Variants in SLC22A23 observed in about 807,000 individuals in gnomAD.
SLC22A23 encodes ion transporter protein.
SLC22A23 carries 26 observed loss-of-function variants against 61.0 expected under a neutral mutation model. The observed-to-expected ratio is 0.43, with a 90% CI of 0.31 to 0.59. The LOEUF is 0.59. SLC22A23 is among the 20% of genes least tolerant of loss of function. The pLI is 0.11. For missense variants in SLC22A23, 796 were observed against 934.7 expected (o/e 0.85, Z 1.94); for synonymous variants, 430 against 413.9 (o/e 1.04, Z -0.47).
chr6:3,393,976 C>A (rs528888043), intron 3 of SLC22A23, among the ~76,000 whole-genome samples: 4 of 152,230 alleles, frequency 2.6e-5, no homozygotes. Flanking sequence ...TCGCTTCTAC[C>A]GTCACAAGGT....
At chr6:3,326,510 C>T (rs1194512200) in intron 3 of SLC22A23, among the ~76,000 whole-genome samples, 2 of 152,184 alleles carry the variant, frequency 1.3e-5, no homozygotes, top group Non-Finnish European at 1.5e-5. Flanking sequence ...CATGTTTTGC[C>T]TCACAGACAT....
At chr6:3,401,751 T>C (rs1768406989) in intron 3 of SLC22A23, among the ~76,000 whole-genome samples, 1 of 152,168 alleles carries the variant, frequency 6.6e-6, no homozygotes, top group African/African-American at 2.4e-5. Context: ...CTCCACCCAT[T>C]TGTTGCTCAG....
rs940439018 is a variant in SLC22A23, at chr6:3,400,130, G to A, written c.913+10058C>T. Among the ~76,000 whole-genome samples the A allele has an allele frequency of 4.6e-5, 7 of 152,190 alleles. 1 individual carries two copies. In the South Asian group the frequency reaches 1.2e-3, roughly 27 times the overall value. On this transcript the variant is annotated intron_variant, in intron 3 of 9. Transcript: ENST00000406686. ...TGACCTCAAGTGATCCACCCGCCTC[G>A]GCCTCCCAAAGTGCTGGGATTACAG...
At position 3,427,981 on chromosome 6, in the gene SLC22A23, C is replaced by T. The variant is rs1770613021; in HGVS notation, c.655-12126G>A. Among the ~76,000 whole-genome samples, 1 of 152,186 alleles carries T rather than the reference C, an allele frequency of 6.6e-6. No individual in the cohort carries two copies. Among genetic ancestry groups the T allele is most frequent in the East Asian group, 1.9e-4 (1 of 5,176 alleles). On this transcript the variant is annotated intron_variant, in intron 1 of 9. Coordinates refer to ENST00000406686, the MANE Select transcript of SLC22A23 (RefSeq NM_015482.2). The surrounding 1 kb of genome is among the most constrained non-coding windows in gnomAD (Gnocchi z 4.3). ...TCCCGACCTTCCACTTCAGTGCCTC[C>T]GGCATCCTGGGGACAAGCGGACTGA...
At position 3,455,950 on chromosome 6, in the gene SLC22A23, C is replaced by G. The variant is rs1772381413; in HGVS notation, c.610G>C (p.Asp204His). The change falls in exon 1 of 10, where the codon GAC becomes CAC. Residue 204 changes from aspartate to histidine, a missense_variant. Physicochemically the swap from Asp to His is moderately conservative, Grantham distance 81. Transcript: ENST00000406686. ...NASNCDCRAWDYGIRAGLVQN... is the reference protein window; with the variant it reads ...NASNCDCRAWHYGIRAGLVQN... ...ACGAGGCCGGCGCGGATGCCGTAGT[C>G]CCATGCGCGGCAGTCACAGTTGGAG... 6.5e-7 allele frequency: 1 copy of G among 1,537,486 alleles called. No homozygotes were observed. Among genetic ancestry groups the G allele is most frequent in the South Asian group, 1.2e-5 (1 of 83,224 alleles).
intron 3 of SLC22A23, among the ~76,000 whole-genome samples, chr6:3,350,335 C>T (rs981019582): frequency 5.3e-5 from 8 of 152,160 alleles, no homozygotes; most frequent in Non-Finnish European, 1.0e-4. Context: ...TGTTTTTGTA[C>T]AATGCACTGC....
intron 4 of SLC22A23, among the ~76,000 whole-genome samples, chr6:3,307,613 C>T (rs374185741): frequency 3.3e-4 from 50 of 152,314 alleles, no homozygotes; most frequent in African/African-American, 1.1e-3. Context: ...CCAATATGGA[C>T]GTATCTCGGA....
chr6:3,340,588 G>A (rs1764096723), intron 3 of SLC22A23, among the ~76,000 whole-genome samples: 1 of 152,194 alleles, frequency 6.6e-6, no homozygotes, highest in South Asian at 2.1e-4. Context: ...ACAGTATGAG[G>A]AGCTTTGTAA....
At chr6:3,292,856 G>T (rs376173188) in intron 5 of SLC22A23, among the ~76,000 whole-genome samples, 1 of 130,066 alleles carries the variant, frequency 7.7e-6, no homozygotes, top group Non-Finnish European at 1.7e-5. Flanking sequence ...GGGAGCACTC[G>T]GGGAGCACGT....
At chr6:3,313,289 CTT>C (rs1305790164) in intron 4 of SLC22A23, 1 of 152,162 alleles carries the variant, frequency 6.6e-6, no homozygotes, top group African/African-American at 2.4e-5. Flanking sequence ...CCACATCTGC[CTT>C]TTGTCAGTAT....
Position 3,414,710 on chromosome 6 carries a change from T to C in SLC22A23, c.758+1042A>G, listed in dbSNP as rs1769545972. On this transcript the variant is annotated intron_variant, in intron 2 of 9. Coordinates refer to ENST00000406686, the MANE Select transcript of SLC22A23 (RefSeq NM_015482.2). The surrounding 1 kb of genome is among the most constrained non-coding windows in gnomAD (Gnocchi z 5.1). ...CCCTTATTTCCTCAAGGCCAAGATG[T>C]CTCGATTCACCAAAAAAAAAAAAAA... is the stretch of plus-strand genomic sequence containing the variant. Among the ~76,000 whole-genome samples, 1 of 124,906 alleles carries C rather than the reference T, an allele frequency of 8.0e-6. No homozygotes were observed. 81.9% of individuals were successfully genotyped at this position (124,906 alleles called of 152,430 possible).
chr6:3,301,822 G>A (rs1049260712), intron 4 of SLC22A23, among the ~76,000 whole-genome samples: 3 of 152,334 alleles, frequency 2.0e-5, no homozygotes, highest in Admixed American at 6.5e-5. Flanking sequence ...GGAGAACCGC[G>A]GAGATGTGCT....
intron 5 of SLC22A23, among the ~76,000 whole-genome samples, chr6:3,293,919 G>A (rs7770256): frequency 0.081 from 12,369 of 152,224 alleles, 743 homozygotes; most frequent in East Asian, 0.33. Flanking sequence ...AGACTCAGCC[G>A]TGCATCCTGG....
intron 1 of SLC22A23, among the ~76,000 whole-genome samples, chr6:3,436,482 C>A (rs1204037680): frequency 2.0e-5 from 3 of 152,170 alleles, no homozygotes; most frequent in Non-Finnish European, 4.4e-5. Context: ...TTTTCTGCTA[C>A]TTGCAGCATC....
At position 3,310,410 on chromosome 6, in the gene SLC22A23, A is replaced by G. The variant is rs111554754; in HGVS notation, c.1083-12192T>C. Among the ~76,000 whole-genome samples the G allele has an allele frequency of 1.8e-3, 166 of 91,974 alleles. 1 individual carries two copies. Among genetic ancestry groups the G allele is most frequent in the African/African-American group, 3.7e-3 (72 of 19,590 alleles). 60.3% of individuals were successfully genotyped at this position (91,974 alleles called of 152,430 possible). On this transcript the variant is annotated intron_variant, in intron 4 of 9. Coordinates refer to ENST00000406686, the MANE Select transcript of SLC22A23 (RefSeq NM_015482.2). Reference sequence around the variant, plus strand: ...CACTCGAGCACCCTGTCTCCCACTCAAGCACCCTGTCTCCCACTCGAGCAC... The same window carrying G: ...CACTCGAGCACCCTGTCTCCCACTCGAGCACCCTGTCTCCCACTCGAGCAC...
intron 3 of SLC22A23, among the ~76,000 whole-genome samples, chr6:3,367,304 T>G (rs1213805589): frequency 2.0e-5 from 3 of 152,210 alleles, no homozygotes; most frequent in African/African-American, 7.2e-5. Context: ...TTCAGTTAGT[T>G]GGGTATTCAA....
chr6:3,349,643 T>C (rs904835087), intron 3 of SLC22A23, among the ~76,000 whole-genome samples: 1 of 152,224 alleles, frequency 6.6e-6, no homozygotes, highest in Admixed American at 6.5e-5. Context: ...CCACACACTA[T>C]TGTATTTCTG....
Position 3,273,228 on chromosome 6 carries a change from T to C in SLC22A23, c.1888A>G (p.Ile630Val). 1.9e-6 allele frequency: 3 copies of C among 1,612,828 alleles called. No homozygotes were observed. The highest frequency in any genetic ancestry group is 2.5e-6 in the Non-Finnish European group (3 of 1,179,132). Residue 630 changes from isoleucine (I) to valine (V), a missense_variant, in exon 10 of 10, where the codon ATT becomes GTT. Physicochemically the swap from Ile to Val is conservative, Grantham distance 29. Transcript: ENST00000406686. ...CGCGTGTAGTGCTCCCCGTTAGAAA[T>C]GTTCTCAGGCAGGTTCTGGTCCCTG... Reference protein sequence around the residue: ...ESRDQNLPENISNGEHYTRQP... With the variant: ...ESRDQNLPENVSNGEHYTRQP...
rs879901352 is a variant in SLC22A23 at position 3,414,446 on chromosome 6, C to T, written c.758+1306G>A. On this transcript the variant is annotated intron_variant, in intron 2 of 9. Transcript: ENST00000406686. This position sits in a 1 kb window ranked among gnomAD's most constrained non-coding sequence, Gnocchi z 5.1. ...CTTCTCTGTTGCTGTCCACAGAGAA[C>T]GTGTCCATGAGAAGCACTTGCAAAT... Among the ~76,000 whole-genome samples, 8 of 152,112 alleles carry T rather than the reference C, an allele frequency of 5.3e-5. No individual in the cohort carries two copies. The South Asian group carries it at 6.2e-4, about 12-fold the overall frequency.
Sources: allele counts gnomAD v4.1 joint callset (sites outside exome capture counted in the v4.1 genomes callset), GRCh38; gene constraint gnomAD v4.1.1; non-coding constraint Gnocchi (gnomAD v3.1); transcripts MANE v1.5; gene names NCBI Gene and HGNC (gene_info 2026-07-23, HGNC 2026-07-21).